Variants in TAMM41 observed in about 807,000 individuals in gnomAD.
The protein encoded by TAMM41 is phosphatidate cytidylyltransferase, mitochondrial.
In TAMM41, 36 loss-of-function variants were observed where a neutral mutation model predicts 44.1. The observed-to-expected ratio is 0.82, with a 90% CI of 0.63 to 1.08. The LOEUF (loss-of-function observed/expected upper bound fraction) is 1.08. TAMM41 is among the 50% of genes least tolerant of loss of function. The pLI is 0.00. For synonymous variants in TAMM41, 164 were observed against 153.1 expected (o/e 1.07, Z -0.53); for missense variants, 417 against 404.3 (o/e 1.03, Z -0.27).
intron 7 of TAMM41, among the ~76,000 whole-genome samples, chr3:11,798,166 A>G (rs535549228): frequency 6.6e-6 from 1 of 152,372 alleles, no homozygotes. Flanking sequence ...CCAAAGGAAT[A>G]TAATTCATTA....
intron 3 of TAMM41, 80 bp downstream of exon 3, chr3:11,839,142 A>G: frequency 5.9e-6 from 5 of 853,676 alleles, no homozygotes; most frequent in Non-Finnish European, 9.4e-6. Flanking sequence ...GTTCCATCTC[A>G]TTGCAATCAC....
chr3:11,784,350 C>A, the TAMM41 span, among the ~76,000 whole-genome samples: 2 of 152,118 alleles, frequency 1.3e-5, no homozygotes, highest in East Asian at 1.9e-4. Context: ...AAAAAATTAG[C>A]CAGGTGTGGT....
intron 4 of TAMM41, among the ~76,000 whole-genome samples, chr3:11,827,679 TAAAAATA>T (rs963664527): frequency 3.4e-5 from 4 of 117,922 alleles, no homozygotes; most frequent in Admixed American, 8.1e-5. Flanking sequence ...GGAAAAATAA[TAAAAATA>T]AAAAATAAAA....
At chr3:11,770,067 T>C in the TAMM41 span, among the ~76,000 whole-genome samples, 2 of 152,314 alleles carry the variant, frequency 1.3e-5, no homozygotes, top group South Asian at 2.1e-4. Context: ...TTCCAGTTAA[T>C]TGAGGTAAAG....
At chr3:11,730,817 C>T in the TAMM41 span, among the ~76,000 whole-genome samples, 18 of 152,296 alleles carry the variant, frequency 1.2e-4, no homozygotes, top group Non-Finnish European at 1.9e-4. Context: ...TGAAGGGAAA[C>T]GTTTCCTCCT....
downstream of TAMM41, among the ~76,000 whole-genome samples, chr3:11,789,856 G>A (rs2077442693): frequency 6.6e-6 from 1 of 152,144 alleles, no homozygotes; most frequent in Non-Finnish European, 1.5e-5. Context: ...CACTGCAGAG[G>A]GCAGAGAGAT....
At chr3:11,738,857 C>G in the TAMM41 span, among the ~76,000 whole-genome samples, 1 of 152,204 alleles carries the variant, frequency 6.6e-6, no homozygotes, top group Non-Finnish European at 1.5e-5. Flanking sequence ...TGTGTTTCAG[C>G]AAACTCCCGC....
the TAMM41 span, among the ~76,000 whole-genome samples, chr3:11,766,049 G>C: frequency 6.6e-6 from 1 of 152,152 alleles, no homozygotes; most frequent in African/African-American, 2.4e-5. Flanking sequence ...GTCAGCTCTT[G>C]AGAGACTCAT....
chr3:11,748,446 T>A, the TAMM41 span, among the ~76,000 whole-genome samples: 1 of 101,774 alleles, frequency 9.8e-6, no homozygotes, highest in Non-Finnish European at 2.3e-5. Context: ...CACGTCTGGC[T>A]TTTTTTTTGT....
the TAMM41 span, among the ~76,000 whole-genome samples, chr3:11,782,246 A>T: frequency 3.3e-5 from 5 of 151,952 alleles, no homozygotes; most frequent in African/African-American, 4.8e-5. Flanking sequence ...TGGTTGTAAA[A>T]TTTTTTTTTA....
intron 7 of TAMM41, among the ~76,000 whole-genome samples, chr3:11,799,252 CAA>C (rs1248334683): frequency 6.7e-6 from 1 of 149,430 alleles, no homozygotes; most frequent in African/African-American, 2.4e-5. Context: ...AACCTGTCTC[CAA>C]AAAAACAAAA....
intron 5 of TAMM41, among the ~76,000 whole-genome samples, chr3:11,816,554 A>C (rs2078284483): frequency 6.6e-6 from 1 of 152,166 alleles, no homozygotes; most frequent in Non-Finnish European, 1.5e-5. Context: ...GCTTGAGCTC[A>C]AGAGTTTGAG....
chr3:11,760,935 G>A, the TAMM41 span, among the ~76,000 whole-genome samples: 1 of 151,976 alleles, frequency 6.6e-6, no homozygotes, highest in Non-Finnish European at 1.5e-5. Context: ...GGGAGGCCGA[G>A]GTGGGCAGAT....
At chr3:11,735,019 A>G in the TAMM41 span, among the ~76,000 whole-genome samples, 9 of 151,392 alleles carry the variant, frequency 5.9e-5, no homozygotes, top group African/African-American at 2.2e-4. Context: ...ACTGCACTCC[A>G]GCCTGGGCAA....
chr3:11,826,310 G>A (rs1359454339), intron 4 of TAMM41, among the ~76,000 whole-genome samples: 2 of 152,116 alleles, frequency 1.3e-5, no homozygotes, highest in African/African-American at 2.4e-5. Flanking sequence ...GAGGCGGGAG[G>A]ATCGTTTGAG....
At chr3:11,742,998 T>G in the TAMM41 span, among the ~76,000 whole-genome samples, 3 of 152,202 alleles carry the variant, frequency 2.0e-5, no homozygotes, top group Admixed American at 2.0e-4. Context: ...TCCCAACTTC[T>G]CTTACATCTG....
chr3:11,834,738 G>A (rs2079108179), intron 3 of TAMM41, among the ~76,000 whole-genome samples: 1 of 152,146 alleles, frequency 6.6e-6, no homozygotes, highest in Admixed American at 6.5e-5. Context: ...CCAGCTTGGA[G>A]TGCAGTGGCA....
At position 11,829,706 on chromosome 3, in the gene TAMM41, A is replaced by G. The variant is rs776271325; in HGVS notation, c.562+8T>C. The G allele has an allele frequency of 3.7e-6, 6 of 1,614,048 alleles. No individual in the cohort carries two copies. In the Admixed American group the frequency reaches 6.7e-5, roughly 18 times the overall value. The stretch of plus-strand genomic sequence containing the variant: ...CTTGTAGAACATCTGGGCAGCAACC[A>G]TACTAACCTGAATAGGAGAGACCGG... On this transcript the variant is annotated splice_region_variant and intron_variant, in intron 4 of 7. Transcript: ENST00000455809.
At chr3:11,828,804 A>C (rs535095815) in intron 4 of TAMM41, among the ~76,000 whole-genome samples, 102 of 152,342 alleles carry the variant, frequency 6.7e-4, no homozygotes, top group Non-Finnish European at 9.6e-4. Flanking sequence ...CTCTTACAGC[A>C]TTAAATTTCC....
Sources: gnomAD v4.1 joint callset for allele counts (sites outside exome capture counted in the v4.1 genomes callset) on GRCh38, gnomAD v4.1.1 for gene constraint, MANE v1.5 for transcripts, NCBI Gene and HGNC (gene_info 2026-07-23, HGNC 2026-07-21) for gene names.